The following UFD1 variants were observed in gnomAD, a reference collection of about 807,000 sequenced individuals.
UFD1 encodes the protein ubiquitin recognition factor in ER-associated degradation protein 1.
UFD1 carries 13 observed loss-of-function variants against 45.9 expected under a neutral mutation model. The ratio of observed to expected loss-of-function variants is 0.28; its 90% CI spans 0.18 to 0.45. The LOEUF (loss-of-function observed/expected upper bound fraction) is 0.45. Ranked by LOEUF, UFD1 falls within the 20% of genes least tolerant of loss-of-function variation. The pLI, the probability that UFD1 is intolerant of heterozygous loss-of-function variation, is 1.00. For synonymous variants in UFD1, 128 were observed against 139.2 expected, an observed-to-expected ratio of 0.92 and a Z score of 0.56; for missense variants, 218 against 389.2, an observed-to-expected ratio of 0.56 and a Z score of 3.70.
Position 19,450,639 on chromosome 22 carries a change from T to C in UFD1, c.*31A>G, listed in dbSNP as rs2089673570. 1 of 1,613,616 alleles carries C rather than the reference T, an allele frequency of 6.2e-7. No homozygotes were observed. The highest frequency in any genetic ancestry group is 1.7e-5 in the Admixed American group (1 of 59,992). ...GCCAAGATGTTGCAAATGATTCTTT[T>C]ATTATTTTCCAATCAGCCAACAGTC... is the stretch of plus-strand genomic sequence containing the variant. On this transcript the variant is annotated 3_prime_UTR_variant, in exon 12 of 12. Transcript: ENST00000263202.
At chr22:19,464,504 A>T (rs1255712648) in intron 6 of UFD1, among the ~76,000 whole-genome samples, 1 of 152,252 alleles carries the variant, frequency 6.6e-6, no homozygotes, top group Non-Finnish European at 1.5e-5. Context: ...TAGGAAAGTG[A>T]ATGCTTTCTT....
intron 1 of UFD1, among the ~76,000 whole-genome samples, chr22:19,477,462 G>C (rs1185589985): frequency 6.6e-6 from 1 of 152,154 alleles, no homozygotes. Flanking sequence ...TTATGAGTCC[G>C]CTTCTAGGAA....
At chr22:19,455,555 G>C in intron 10 of UFD1, 125 bp downstream of exon 10, 2 of 823,660 alleles carry the variant, frequency 2.4e-6, no homozygotes, top group Non-Finnish European at 4.0e-6. Flanking sequence ...AGCAGCTAAG[G>C]GTTTTAGTCC....
intron 6 of UFD1, among the ~76,000 whole-genome samples, chr22:19,459,619 ACAAACAAACAAACAAG>A (rs909367233): frequency 1.3e-5 from 2 of 150,502 alleles, no homozygotes; most frequent in African/African-American, 2.5e-5. Flanking sequence ...TGTGTCAAAA[ACAAACAAACAAACAAG>A]CAAACAAACA....
At chr22:19,460,069 G>T (rs1194592972) in intron 6 of UFD1, among the ~76,000 whole-genome samples, 1 of 151,804 alleles carries the variant, frequency 6.6e-6, no homozygotes, top group Non-Finnish European at 1.5e-5. Flanking sequence ...ATTTTAAAAA[G>T]TCTGGATAGT....
In UFD1 at chr22:19,456,586, C is replaced by A; in HGVS notation, c.678+1G>T. 1 of 1,614,148 alleles carries A rather than the reference C, an allele frequency of 6.2e-7. No individual in the cohort carries two copies. Among genetic ancestry groups the A allele is most frequent in the East Asian group, 2.2e-5 (1 of 44,884 alleles). On this transcript the variant is annotated splice_donor_variant, in intron 9 of 11. Coordinates refer to ENST00000263202, the MANE Select transcript of UFD1 (RefSeq NM_005659.7). LOFTEE classifies it high-confidence loss of function. Reference sequence around the variant, plus strand: ...TATAAGTCAAGTGGTCTGGTACTCACGCGGAAGCCCAGCTCTCCAGCATAG... The same window carrying A: ...TATAAGTCAAGTGGTCTGGTACTCAAGCGGAAGCCCAGCTCTCCAGCATAG...
rs774956168 is a variant in UFD1 at position 19,475,084 on chromosome 22, C to T, written c.153G>A (p.Ser51=). 30 of 1,609,174 alleles carry T rather than the reference C, an allele frequency of 1.9e-5. No individual in the cohort carries two copies. Among genetic ancestry groups the T allele is most frequent in the South Asian group, 1.2e-4 (11 of 90,214 alleles). Residue 51 remains serine, a synonymous_variant, in exon 3 of 12, where the codon TCG becomes TCA. Transcript: ENST00000263202. The part of the protein sequence containing the change: ...EKGGKIIMPP[S]ALDQLSRLNI... ...GATACTTACTGAGTTGGTCCAGGGC[C>T]GAGGGTGGCATAATTACTGTGGAAA...
chr22:19,451,849 G>C, intron 11 of UFD1: 1 of 985,446 alleles, frequency 1.0e-6, no homozygotes, highest in Non-Finnish European at 1.2e-6. Context: ...TGACAAACCT[G>C]TGTCTCCTGG....
chr22:19,466,183 C>A (rs999537867), intron 5 of UFD1: 5 of 152,224 alleles, frequency 3.3e-5, no homozygotes, highest in Non-Finnish European at 7.3e-5. Flanking sequence ...TCTTTGCTCC[C>A]AAATATGAAG....
chr22:19,466,836 A>G (rs1050720054), intron 5 of UFD1: 1 of 152,274 alleles, frequency 6.6e-6, no homozygotes, highest in Admixed American at 6.5e-5. Context: ...TCTCAAAAAA[A>G]AGTCTGCATT....
At chr22:19,474,455 A>G (rs1413402738) in intron 3 of UFD1, among the ~76,000 whole-genome samples, 1 of 152,140 alleles carries the variant, frequency 6.6e-6, no homozygotes, top group Non-Finnish European at 1.5e-5. Flanking sequence ...CTGAGGCAGG[A>G]GGATCACTTG....
chr22:19,475,171 T>C, intron 2 of UFD1, 71 bp from the exon 3 acceptor site: 1 of 1,468,986 alleles, frequency 6.8e-7, no homozygotes, highest in Non-Finnish European at 9.3e-7. Flanking sequence ...AAGATGCAGT[T>C]TCTTTATATC....
chr22:19,470,112 G>A, intron 4 of UFD1: 1 of 473,564 alleles, frequency 2.1e-6, no homozygotes, highest in South Asian at 1.5e-5. Flanking sequence ...GCCCTTGGGG[G>A]CACCTGCAGA....
Position 19,475,658 on chromosome 22 carries a change from A to T in UFD1, c.4-56T>A, listed in dbSNP as rs1296068401. On this transcript the variant is annotated intron_variant, in intron 1 of 11. Transcript: ENST00000263202. ...AACAAAGGTACATTTCTTCATGTCAAAAGCCAAAACATGTCAGAGTAATTA... is the reference window on the plus strand; with the variant it reads ...AACAAAGGTACATTTCTTCATGTCATAAGCCAAAACATGTCAGAGTAATTA... 3.1e-6 allele frequency: 5 copies of T among 1,597,396 alleles called. No homozygotes were observed. The Admixed American group carries it at 8.4e-5, about 27-fold the overall frequency.
rs1005596124 is a variant in UFD1 at position 19,471,472 on chromosome 22, A to G, written c.291+215T>C. 7.7e-6 allele frequency: 6 copies of G among 783,198 alleles called. No homozygotes were observed. The Admixed American group carries it at 1.1e-4, about 14-fold the overall frequency. 48.5% of individuals were successfully genotyped at this position (783,198 alleles called of 1,614,324 possible). ...CTATCAAAGAAAAGGCCACTCCCAC[A>G]GCACAGTGGCCCACAGGTGCGTCCA... On this transcript the variant is annotated intron_variant, in intron 4 of 11. Coordinates refer to ENST00000263202, the MANE Select transcript of UFD1 (RefSeq NM_005659.7).
intron 4 of UFD1, among the ~76,000 whole-genome samples, chr22:19,470,496 C>T (rs1276667861): frequency 6.6e-6 from 1 of 151,646 alleles, no homozygotes; most frequent in Non-Finnish European, 1.5e-5. Flanking sequence ...GGCTGGAATG[C>T]AATGGCATGA....
intron 7 of UFD1, 82 bp downstream of exon 7, chr22:19,457,989 C>G: frequency 6.7e-7 from 1 of 1,482,676 alleles, no homozygotes; most frequent in Non-Finnish European, 9.4e-7. Flanking sequence ...TTGATGCCCT[C>G]CTGACACCCT....
At chr22:19,451,958 C>T (rs2089686338) in intron 11 of UFD1, 1 of 984,998 alleles carries the variant, frequency 1.0e-6, no homozygotes. Context: ...CTTATTTCTA[C>T]CTTATTCCTT....
chr22:19,465,095 G>A (rs2089792709), intron 6 of UFD1, 107 bp downstream of exon 6: 2 of 1,026,370 alleles, frequency 1.9e-6, no homozygotes, highest in African/African-American at 3.2e-5. Flanking sequence ...CAGTAATTAG[G>A]TGATAAGATC....
Sources: gnomAD v4.1 joint callset for allele counts (sites outside exome capture counted in the v4.1 genomes callset) on GRCh38, gnomAD v4.1.1 for gene constraint, MANE v1.5 for transcripts, NCBI Gene and HGNC (gene_info 2026-07-23, HGNC 2026-07-21) for gene names.